The following CDH6 variants were observed in gnomAD, a reference collection of about 807,000 sequenced individuals.
CDH6 encodes the protein cadherin 6, also known as cadherin-6.
Under a neutral mutation model 78.0 loss-of-function variants are expected in CDH6, and 31 were observed. The ratio of observed to expected loss-of-function variants is 0.40; its 90% CI spans 0.30 to 0.54. CDH6 has a LOEUF of 0.54. Among genes scored for constraint, CDH6 ranks in the 20% least tolerant of loss-of-function variants. The probability of loss-of-function intolerance (pLI) is 0.56; values close to 1 mark genes in which losing one functional copy is unlikely to be tolerated. For missense variants in CDH6, 724 were observed against 975.9 expected (o/e 0.74, Z 3.44); for synonymous variants, 376 against 368.8 (o/e 1.02, Z -0.23).
chr5:31,328,948 CT>C lies in CDH6; in HGVS notation c.*5644del. 1 of 221,574 alleles carries C rather than the reference CT, an allele frequency of 4.5e-6. No individual in the cohort carries two copies. Among genetic ancestry groups the C allele is most frequent in the Non-Finnish European group, 9.0e-6 (1 of 110,822 alleles). The allele number at this position is 221,574 out of a possible 1,614,324, so 13.7% of individuals were successfully genotyped here. A position where few individuals can be genotyped will look rare whatever the true frequency, so the allele number is the denominator to read the frequency against. On this transcript the variant is annotated 3_prime_UTR_variant, in exon 12 of 12. Transcript: ENST00000265071. The stretch of plus-strand genomic sequence containing the variant: ...ACCTTTTAGCTCAGTGTGGCCGGGC[CT>C]TTTGTTGCAGTCAAATGGCAAATAC...
At chr5:31,261,122 T>G (rs1742201122) in intron 1 of CDH6, among the ~76,000 whole-genome samples, 1 of 152,302 alleles carries the variant, frequency 6.6e-6, no homozygotes, top group Non-Finnish European at 1.5e-5. Flanking sequence ...GAAGGCATGT[T>G]TCCCTTTGGC....
At chr5:31,284,066 T>C (rs575045702) in intron 2 of CDH6, among the ~76,000 whole-genome samples, 69 of 152,246 alleles carry the variant, frequency 4.5e-4, no homozygotes, top group African/African-American at 1.6e-3. Flanking sequence ...TCACCCACGT[T>C]GTCCTCCCAA....
chr5:31,214,529 T>C (rs1283422272), intron 1 of CDH6, among the ~76,000 whole-genome samples: 1 of 152,154 alleles, frequency 6.6e-6, no homozygotes, highest in Admixed American at 6.5e-5. Context: ...CACCATTTCA[T>C]ATTAGCATAG....
At chr5:31,283,641 T>G (rs1255056597) in intron 2 of CDH6, among the ~76,000 whole-genome samples, 1 of 152,086 alleles carries the variant, frequency 6.6e-6, no homozygotes, top group Non-Finnish European at 1.5e-5. Flanking sequence ...GAGAAGACTT[T>G]GAAGATAAAA....
chr5:31,258,679 T>A (rs1043617557), intron 1 of CDH6, among the ~76,000 whole-genome samples: 2 of 152,200 alleles, frequency 1.3e-5, no homozygotes, highest in African/African-American at 2.4e-5. Flanking sequence ...TACAAAGGAT[T>A]GTTGCAAGAC....
intron 1 of CDH6, among the ~76,000 whole-genome samples, chr5:31,227,086 C>G (rs973644543): frequency 2.6e-5 from 4 of 152,150 alleles, no homozygotes; most frequent in African/African-American, 7.2e-5. Flanking sequence ...TAAAACAGGG[C>G]TCCTCAAACT....
At chr5:31,272,645 A>T (rs1742559217) in intron 2 of CDH6, among the ~76,000 whole-genome samples, 1 of 152,224 alleles carries the variant, frequency 6.6e-6, no homozygotes, top group Middle Eastern at 3.2e-3. Context: ...GAAGATTTGC[A>T]CAGTACCATT....
chr5:31,231,004 C>A (rs1177224039), intron 1 of CDH6, among the ~76,000 whole-genome samples: 1 of 152,102 alleles, frequency 6.6e-6, no homozygotes, highest in Non-Finnish European at 1.5e-5. Flanking sequence ...TTTAAATATT[C>A]TTCTAATCAC....
intron 1 of CDH6, among the ~76,000 whole-genome samples, chr5:31,240,692 G>A (rs1741574163): frequency 1.3e-5 from 2 of 152,148 alleles, no homozygotes; most frequent in South Asian, 4.1e-4. Context: ...ACAATTAGAA[G>A]ACAGAGTGCT....
In CDH6 at chr5:31,323,689, A is replaced by T. The variant is rs28643344; in HGVS notation, c.*381A>T. On this transcript the variant is annotated 3_prime_UTR_variant, in exon 12 of 12. Coordinates refer to ENST00000265071, the MANE Select transcript of CDH6 (RefSeq NM_004932.4). The stretch of plus-strand genomic sequence containing the variant: ...ATTTCACAGGCTAATGGGATAAAGG[A>T]CTGTGCTTTAAAGATAAAAATATCA... 2,257 of 260,034 alleles carry T rather than the reference A, an allele frequency of 8.7e-3. 53 individuals are homozygous for T. Among genetic ancestry groups the T allele is most frequent in the African/African-American group, 0.045 (2,102 of 46,474 alleles). 16.1% of individuals were successfully genotyped at this position (260,034 alleles called of 1,614,324 possible).
Position 31,197,372 on chromosome 5 carries a change from T to C in CDH6, c.-129+3486T>C, listed in dbSNP as rs1245213100. Among the ~76,000 whole-genome samples, 3 of 152,222 alleles carry C rather than the reference T, an allele frequency of 2.0e-5. No individual in the cohort carries two copies. In the East Asian group the frequency reaches 5.8e-4, roughly 29 times the overall value. On this transcript the variant is annotated intron_variant, in intron 1 of 11. Coordinates refer to ENST00000265071, the MANE Select transcript of CDH6 (RefSeq NM_004932.4). ...CATCCAGCAGAATCCAGTTGCCTTGTGCTTCTTGCTTAGTCATGGCTGCTT... is the reference window on the plus strand; with the variant it reads ...CATCCAGCAGAATCCAGTTGCCTTGCGCTTCTTGCTTAGTCATGGCTGCTT...
At chr5:31,276,336 G>A (rs1007637926) in intron 2 of CDH6, among the ~76,000 whole-genome samples, 6 of 152,124 alleles carry the variant, frequency 3.9e-5, no homozygotes, top group African/African-American at 1.4e-4. Context: ...AAGCAAAGAA[G>A]CATGCCAAAA....
At chr5:31,226,749 A>T (rs1741162515) in intron 1 of CDH6, among the ~76,000 whole-genome samples, 1 of 152,198 alleles carries the variant, frequency 6.6e-6, no homozygotes, top group Non-Finnish European at 1.5e-5. Flanking sequence ...ACAAACTAGG[A>T]ACACAAATTC....
Position 31,302,786 on chromosome 5 carries a change from GAGAGAGAGAGAGAGAA to G in CDH6, c.999+492_999+507del, listed in dbSNP as rs1256709775. Among the ~76,000 whole-genome samples, 51 of 54,494 alleles carry G rather than the reference GAGAGAGAGAGAGAGAA, an allele frequency of 9.4e-4. 1 individual carries two copies. The highest frequency in any genetic ancestry group is 3.2e-3 in the African/African-American group (43 of 13,482). The allele number at this position is 54,494 out of a possible 152,430, so 35.8% of individuals were successfully genotyped here. On this transcript the variant is annotated intron_variant, in intron 6 of 11. Coordinates refer to ENST00000265071, the MANE Select transcript of CDH6 (RefSeq NM_004932.4). ...GAAAGAAAGAAAGAAGAAAGAGAGAGAGAGAGAGAGAGAGAAAGAAAGAAAGAAAGAAAGAAAGAAA... is the reference window on the plus strand; with the variant it reads ...GAAAGAAAGAAAGAAGAAAGAGAGAGAGAAAGAAAGAAAGAAAGAAAGAAA...
intron 2 of CDH6, among the ~76,000 whole-genome samples, chr5:31,268,043 T>G (rs1742411840): frequency 6.6e-6 from 1 of 152,214 alleles, no homozygotes; most frequent in South Asian, 2.1e-4. Context: ...ATGGAGAGAT[T>G]AAGCTGTAAG....
At chr5:31,315,438 T>A (rs1047025020) in intron 8 of CDH6, among the ~76,000 whole-genome samples, 3 of 152,258 alleles carry the variant, frequency 2.0e-5, no homozygotes, top group African/African-American at 7.2e-5. Context: ...TGATAGATTC[T>A]AACTCCTGAT....
chr5:31,267,855 G>C (rs116444035), intron 2 of CDH6, among the ~76,000 whole-genome samples, 154 bp downstream of exon 2: 2,989 of 151,758 alleles, frequency 0.02, 51 homozygotes, highest in Non-Finnish European at 0.026. Context: ...GAGTAGTTTC[G>C]GGAAGAAGAC....
intron 2 of CDH6, among the ~76,000 whole-genome samples, chr5:31,283,820 TTTTA>T (rs1742933296): frequency 2.2e-5 from 3 of 139,124 alleles, no homozygotes; most frequent in Admixed American, 7.6e-5. Context: ...TCTCTCTTTT[TTTTA>T]TTTTTTTTAA....
rs1561077162 is a variant in CDH6 at position 31,325,177 on chromosome 5, A to T, written c.*1869A>T. ...TTTGGGTTACCTGATTAGAGTGAAA[A>T]TTTTTTACAATCATATTATTCCTTG... On this transcript the variant is annotated 3_prime_UTR_variant, in exon 12 of 12. Coordinates refer to ENST00000265071, the MANE Select transcript of CDH6 (RefSeq NM_004932.4). The T allele has an allele frequency of 4.4e-6, 1 of 228,420 alleles. No homozygotes were observed. The highest frequency in any genetic ancestry group is 2.2e-5 in the African/African-American group (1 of 45,036). 14.1% of individuals were successfully genotyped at this position (228,420 alleles called of 1,614,324 possible). A position where few individuals can be genotyped will look rare whatever the true frequency, so the allele number is the denominator to read the frequency against.
Sources: allele counts gnomAD v4.1 joint callset (sites outside exome capture counted in the v4.1 genomes callset), GRCh38; gene constraint gnomAD v4.1.1; transcripts MANE v1.5; gene names NCBI Gene and HGNC (gene_info 2026-07-23, HGNC 2026-07-21).